The following MRPL11 variants were observed in gnomAD, a reference collection of about 807,000 sequenced individuals.
MRPL11 encodes the protein large ribosomal subunit protein uL11m.
MRPL11 carries 21 observed loss-of-function variants against 19.1 expected under a neutral mutation model. The ratio of observed to expected loss-of-function variants is 1.10; its 90% CI spans 0.78 to 1.58. The LOEUF (loss-of-function observed/expected upper bound fraction) is 1.58, where lower values mean the gene tolerates loss of function less well. Among genes scored for constraint, MRPL11 ranks in the 40% most tolerant of loss-of-function variants. The pLI, the probability that MRPL11 is intolerant of heterozygous loss-of-function variation, is 0.00. For synonymous variants in MRPL11, 108 were observed against 99.7 expected, an observed-to-expected ratio of 1.08 and a Z score of -0.49; for missense variants, 242 against 243.9, an observed-to-expected ratio of 0.99 and a Z score of 0.05.
At chr11:66,436,156 CA>C in intron 4 of MRPL11, 44 bp from the exon 5 acceptor site, 1 of 1,545,052 alleles carries the variant, frequency 6.5e-7, no homozygotes, top group Non-Finnish European at 8.9e-7. Context: ...GATTGGTCAC[CA>C]GTGGGAGCTC....
At position 66,437,892 on chromosome 11, in the gene MRPL11, A is replaced by T. The variant is rs142136629; in HGVS notation, c.219+272T>A. The stretch of plus-strand genomic sequence containing the variant: ...TCCATCTCAGAAAAAAAGAAAGAAA[A>T]AAATAAATCTGCAGCAAACATCCCT... On this transcript the variant is annotated intron_variant, in intron 2 of 4. Transcript: ENST00000310999. Among the ~76,000 whole-genome samples the T allele has an allele frequency of 3.0e-3, 457 of 152,238 alleles. 1 individual carries two copies. Among genetic ancestry groups the T allele is most frequent in the Middle Eastern group, 0.01 (3 of 294 alleles).
Position 66,437,132 on chromosome 11 carries a change from G to A in MRPL11, c.445C>T (p.Arg149Cys), listed in dbSNP as rs373371742. The A allele has an allele frequency of 8.7e-6, 14 of 1,614,074 alleles. No individual in the cohort carries two copies. The highest frequency in any genetic ancestry group is 1.3e-5 in the African/African-American group (1 of 74,928). The change falls in exon 4 of 5, where the codon CGT becomes TGT. Residue 149 changes from arginine to cysteine, a missense_variant. Transcript: ENST00000310999. ...TTCACCACGCGAATGCCCAGAGAAC[G>A]GGCAGACCCGATGATGGAGCGGACA... ...SVVRSIIGSA[R>C]SLGIRVVKDL...
chr11:66,436,692 C>T, intron 4 of MRPL11: 1 of 724,474 alleles, frequency 1.4e-6, no homozygotes, highest in Non-Finnish European at 2.4e-6. Context: ...TTCAATGAAA[C>T]AATTCCTGAA....
chr11:66,438,313 GC>G (rs1857030490), intron 1 of MRPL11, 54 bp from the exon 2 acceptor site: 1 of 1,386,812 alleles, frequency 7.2e-7, no homozygotes, highest in African/African-American at 1.4e-5. Context: ...GCTTCCTATC[GC>G]CCAGGAGGCG....
In MRPL11 at chr11:66,438,760, G is replaced by C; in HGVS notation, c.-6C>G. The C allele has an allele frequency of 1.3e-6, 2 of 1,543,766 alleles. No individual in the cohort carries two copies. Among genetic ancestry groups the C allele is most frequent in the Non-Finnish European group, 1.7e-6 (2 of 1,146,100 alleles). ...GCCCGGCCGAGCTTTGACATGATGCGGGGCTGCTGGCTTCAGTTCACCTCA... is the reference window on the plus strand; with the variant it reads ...GCCCGGCCGAGCTTTGACATGATGCCGGGCTGCTGGCTTCAGTTCACCTCA... On this transcript the variant is annotated 5_prime_UTR_variant, in exon 1 of 5. Coordinates refer to ENST00000310999, the MANE Select transcript of MRPL11 (RefSeq NM_016050.5).
Position 66,437,399 on chromosome 11 carries a change from G to C in MRPL11, c.264C>G (p.Ser88=). ...FEIKIGQPTV[S]YFLKAAAGIE... The stretch of plus-strand genomic sequence containing the variant: ...TCCCAGCTGCTGCCTTCAGGAAGTA[G>C]GAAACAGTGGGCTGTCCAATCTTAA... The change falls in exon 3 of 5, where the codon TCC becomes TCG. Residue 88 remains serine (S), a synonymous_variant. Coordinates refer to ENST00000310999, the MANE Select transcript of MRPL11 (RefSeq NM_016050.5). 1 of 1,614,112 alleles carries C rather than the reference G, an allele frequency of 6.2e-7. No homozygotes were observed. The highest frequency in any genetic ancestry group is 1.1e-5 in the South Asian group (1 of 91,074).
chr11:66,437,469 T>C lies in MRPL11; in HGVS notation c.220-26A>G. 3.1e-6 allele frequency: 5 copies of C among 1,602,508 alleles called. No homozygotes were observed. The South Asian group carries it at 5.5e-5, about 18-fold the overall frequency. On this transcript the variant is annotated intron_variant, in intron 2 of 4. Transcript: ENST00000310999. ...CTTAACAGAAAAAAGAAATATGAGATTCTCTCTTCCTACTGCCCCATCCCA... is the reference window on the plus strand; with the variant it reads ...CTTAACAGAAAAAAGAAATATGAGACTCTCTCTTCCTACTGCCCCATCCCA...
At position 66,437,529 on chromosome 11, in the gene MRPL11, A is replaced by T. The variant is rs190586127; in HGVS notation, c.220-86T>A. 15 of 1,229,492 alleles carry T rather than the reference A, an allele frequency of 1.2e-5. No individual in the cohort carries two copies. The African/African-American group carries it at 2.0e-4, about 16-fold the overall frequency. The allele number at this position is 1,229,492 out of a possible 1,614,324, so 76.2% of individuals were successfully genotyped here. ...TAATGTCTTGCCCCCTGCTTCCTTC[A>T]TCTCACTTTCCAATGGCATCCCTCA... On this transcript the variant is annotated intron_variant, in intron 2 of 4. Transcript: ENST00000310999.
At position 66,436,117 on chromosome 11, in the gene MRPL11, A is replaced by G; in HGVS notation, c.474-5T>C. The stretch of plus-strand genomic sequence containing the variant: ...GCAAGCTCTTCTGAACTGAGGCTGC[A>G]AGTGAAAAAAGACAAATGGTTGGCG... On this transcript the variant is annotated splice_region_variant and splice_polypyrimidine_tract_variant and intron_variant, in intron 4 of 4. Coordinates refer to ENST00000310999, the MANE Select transcript of MRPL11 (RefSeq NM_016050.5). 6.2e-7 allele frequency: 1 copy of G among 1,612,176 alleles called. No individual in the cohort carries two copies. The highest frequency in any genetic ancestry group is 8.5e-7 in the Non-Finnish European group (1 of 1,178,632).
At chr11:66,438,103 G>C (rs1857022911) in intron 2 of MRPL11, 61 bp downstream of exon 2, 2 of 1,255,138 alleles carry the variant, frequency 1.6e-6, no homozygotes, top group African/African-American at 3.0e-5. Context: ...CAGATGACCA[G>C]TCCCAGGGCC....
chr11:66,436,148 TTGG>T, intron 4 of MRPL11, 36 bp from the exon 5 acceptor site: 1 of 1,582,794 alleles, frequency 6.3e-7, no homozygotes, highest in Non-Finnish European at 8.7e-7. Context: ...TGGCGCATGA[TTGG>T]TCACCAGTGG....
Position 66,438,155 on chromosome 11 carries a change from A to G in MRPL11, c.219+9T>C. On this transcript the variant is annotated intron_variant, in intron 2 of 4. Transcript: ENST00000310999. Reference sequence around the variant, plus strand: ...AGAAGGAAACCAGGGATCAGAGTCCAGACTCCACCTTCACTAAAATCTTGG... The same window carrying G: ...AGAAGGAAACCAGGGATCAGAGTCCGGACTCCACCTTCACTAAAATCTTGG... 1.2e-6 allele frequency: 2 copies of G among 1,600,242 alleles called. No individual in the cohort carries two copies. Among genetic ancestry groups the G allele is most frequent in the Non-Finnish European group, 1.7e-6 (2 of 1,167,310 alleles).
chr11:66,438,719 C>T lies in MRPL11; in HGVS notation c.36G>A (p.Arg12=), dbSNP rs758856822. The change falls in exon 1 of 5, where the codon AGG becomes AGA. Residue 12 remains arginine, a synonymous_variant. Coordinates refer to ENST00000310999, the MANE Select transcript of MRPL11 (RefSeq NM_016050.5). ...GGATCACACCGCCGACCTCGGGCTT[C>T]CTGAGGCCCCGGGCGGCCCGGCCGA... ...SKLGRAARGL[R]KPEVGGVIRA... 2 of 1,585,040 alleles carry T rather than the reference C, an allele frequency of 1.3e-6. No individual in the cohort carries two copies. The highest frequency in any genetic ancestry group is 1.8e-5 in the Admixed American group (1 of 56,676).
At position 66,438,764 on chromosome 11, in the gene MRPL11, C is replaced by A; in HGVS notation, c.-10G>T. The A allele has an allele frequency of 3.9e-6, 6 of 1,539,844 alleles. No homozygotes were observed. Among genetic ancestry groups the A allele is most frequent in the Non-Finnish European group, 5.2e-6 (6 of 1,144,130 alleles). ...GGCCGAGCTTTGACATGATGCGGGG[C>A]TGCTGGCTTCAGTTCACCTCAGGGG... On this transcript the variant is annotated 5_prime_UTR_variant, in exon 1 of 5. Coordinates refer to ENST00000310999, the MANE Select transcript of MRPL11 (RefSeq NM_016050.5).
chr11:66,438,735 G>T lies in MRPL11; in HGVS notation c.20C>A (p.Ala7Asp), dbSNP rs781419226. 2.5e-6 allele frequency: 4 copies of T among 1,571,066 alleles called. No individual in the cohort carries two copies. The highest frequency in any genetic ancestry group is 2.6e-6 in the Non-Finnish European group (3 of 1,158,036). Residue 7 changes from alanine to aspartate, a missense_variant, in exon 1 of 5, where the codon GCC becomes GAC. Coordinates refer to ENST00000310999, the MANE Select transcript of MRPL11 (RefSeq NM_016050.5). Reference protein sequence around the residue: MSKLGRAARGLRKPEVG... With the variant: MSKLGRDARGLRKPEVG... ...CTCGGGCTTCCTGAGGCCCCGGGCG[G>T]CCCGGCCGAGCTTTGACATGATGCG...
Position 66,435,878 on chromosome 11 carries a change from C to T in MRPL11, c.*129G>A. 1 of 684,562 alleles carries T rather than the reference C, an allele frequency of 1.5e-6. No homozygotes were observed. The highest frequency in any genetic ancestry group is 2.6e-6 in the Non-Finnish European group (1 of 382,868). 42.4% of individuals were successfully genotyped at this position (684,562 alleles called of 1,614,324 possible). On this transcript the variant is annotated 3_prime_UTR_variant, in exon 5 of 5. Coordinates refer to ENST00000310999, the MANE Select transcript of MRPL11 (RefSeq NM_016050.5). Reference sequence around the variant, plus strand: ...ATTCAGGCCTGATGCCTCGATACAGCTAGATGTACAAAAATATATCATTCA... The same window carrying T: ...ATTCAGGCCTGATGCCTCGATACAGTTAGATGTACAAAAATATATCATTCA...
chr11:66,438,573 G>C, intron 1 of MRPL11, 59 bp downstream of exon 1: 1 of 1,484,760 alleles, frequency 6.7e-7, no homozygotes, highest in Non-Finnish European at 8.9e-7. Context: ...CCCTCCATCC[G>C]CGTCCTAGCT....
In MRPL11 at chr11:66,435,987, G is replaced by A; in HGVS notation, c.*20C>T. 1 of 1,595,998 alleles carries A rather than the reference G, an allele frequency of 6.3e-7. No individual in the cohort carries two copies. The highest frequency in any genetic ancestry group is 8.6e-7 in the Non-Finnish European group (1 of 1,164,806). On this transcript the variant is annotated 3_prime_UTR_variant, in exon 5 of 5. Transcript: ENST00000310999. The stretch of plus-strand genomic sequence containing the variant: ...TTTGCAACTACCTCCTTTGAAATCT[G>A]GGAGTTGGTGGGGCAAGGGTCACTT...
At chr11:66,438,355 C>T in intron 1 of MRPL11, 96 bp from the exon 2 acceptor site, 1 of 1,092,950 alleles carries the variant, frequency 9.1e-7, no homozygotes, top group Middle Eastern at 2.0e-4. Flanking sequence ...CTTCACTTCT[C>T]TGGGTTCCCA....
Sources: allele counts gnomAD v4.1 joint callset (sites outside exome capture counted in the v4.1 genomes callset), GRCh38; gene constraint gnomAD v4.1.1; transcripts MANE v1.5; gene names NCBI Gene and HGNC (gene_info 2026-07-23, HGNC 2026-07-21).